The following SYT14 variants were observed in gnomAD, a reference collection of about 807,000 sequenced individuals.
The protein encoded by SYT14 is synaptotagmin-14.
SYT14 carries 32 observed loss-of-function variants against 74.2 expected under a neutral mutation model. The ratio of observed to expected loss-of-function variants is 0.43; its 90% CI spans 0.33 to 0.58. SYT14 has a LOEUF of 0.58. Ranked by LOEUF, SYT14 falls within the 20% of genes least tolerant of loss-of-function variation. The pLI is 0.05. For synonymous variants in SYT14, 298 were observed against 337.7 expected (o/e 0.88, Z 1.29); for missense variants, 791 against 981.8 (o/e 0.81, Z 2.60).
At chr1:210,067,993 T>A (rs1406747742) in intron 5 of SYT14, among the ~76,000 whole-genome samples, 1 of 151,888 alleles carries the variant, frequency 6.6e-6, no homozygotes, top group Non-Finnish European at 1.5e-5. Flanking sequence ...CATACAATGT[T>A]TAATACCAGT....
chr1:210,014,257 T>C (rs2080141305), intron 3 of SYT14, among the ~76,000 whole-genome samples: 1 of 152,038 alleles, frequency 6.6e-6, no homozygotes, highest in African/African-American at 2.4e-5. Flanking sequence ...GAGTTGGAGG[T>C]GGTTTTACTT....
At chr1:209,960,624 T>C (rs1361645537) in intron 2 of SYT14, among the ~76,000 whole-genome samples, 1 of 152,194 alleles carries the variant, frequency 6.6e-6, no homozygotes, top group African/African-American at 2.4e-5. Context: ...CTGTGGTTTT[T>C]TGAATGCTGC....
At chr1:210,161,882 A>G in exon 10 of SYT14, 2 of 450,594 alleles carry the variant, frequency 4.4e-6, no homozygotes, top group South Asian at 1.6e-5. Flanking sequence ...AATTTCTTTC[A>G]GTGATTGACT....
chr1:210,075,104 G>C (rs1396530322), intron 5 of SYT14, among the ~76,000 whole-genome samples: 1 of 152,134 alleles, frequency 6.6e-6, no homozygotes, highest in Non-Finnish European at 1.5e-5. Flanking sequence ...ACCGCTCAGC[G>C]GCCCGGGCTC....
At chr1:210,012,170 A>G (rs1231702364) in intron 2 of SYT14, among the ~76,000 whole-genome samples, 1 of 152,224 alleles carries the variant, frequency 6.6e-6, no homozygotes, top group South Asian at 2.1e-4. Flanking sequence ...CTCTTAAAAT[A>G]TAATCATAGA....
intron 7 of SYT14, among the ~76,000 whole-genome samples, chr1:210,151,976 GA>G: frequency 6.6e-6 from 1 of 152,234 alleles, no homozygotes; most frequent in Middle Eastern, 3.4e-3. Flanking sequence ...AGGTTAATGT[GA>G]AAAATACTAT....
chr1:209,989,722 G>A (rs893206757), intron 2 of SYT14, among the ~76,000 whole-genome samples: 1 of 152,020 alleles, frequency 6.6e-6, no homozygotes, highest in Non-Finnish European at 1.5e-5. Flanking sequence ...GGGAATTATA[G>A]TATAGTTATG....
chr1:210,100,973 A>G (rs575702220), intron 7 of SYT14, among the ~76,000 whole-genome samples: 2 of 152,278 alleles, frequency 1.3e-5, no homozygotes, highest in South Asian at 4.1e-4. Flanking sequence ...ATCTGGCCTC[A>G]TTAGACTTTC....
At chr1:210,089,756 T>C (rs1323988421) in intron 5 of SYT14, among the ~76,000 whole-genome samples, 2 of 152,204 alleles carry the variant, frequency 1.3e-5, no homozygotes, top group Non-Finnish European at 2.9e-5. Context: ...CTATGAGTCG[T>C]CCAGATTCTT....
intron 7 of SYT14, among the ~76,000 whole-genome samples, chr1:210,127,986 C>T (rs7516554): frequency 0.32 from 49,134 of 151,846 alleles, 8,968 homozygotes; most frequent in East Asian, 0.44. Flanking sequence ...CCCAATATCG[C>T]GCCATTGCAC....
chr1:210,016,346 GAAGA>G lies in SYT14; in HGVS notation c.348_351del (p.Arg117TyrfsTer26). On this transcript the variant is annotated frameshift_variant, in exon 4 of 10. Transcript: ENST00000637265. LOFTEE classifies it high-confidence loss of function. Reference sequence around the variant, plus strand: ...ACTAAAGCAAGATCAAGGAATACATGAAGAAAGAGTATTTAAACATGTTAATGAT... The same window carrying G: ...ACTAAAGCAAGATCAAGGAATACATGAAGAGTATTTAAACATGTTAATGAT... The G allele has an allele frequency of 8.1e-7, 1 of 1,232,086 alleles. No homozygotes were observed. The highest frequency in any genetic ancestry group is 1.0e-6 in the Non-Finnish European group (1 of 987,912). The allele number at this position is 1,232,086 out of a possible 1,614,324, so 76.3% of individuals were successfully genotyped here. A position where few individuals can be genotyped will look rare whatever the true frequency, so the allele number is the denominator to read the frequency against.
chr1:209,960,913 A>G (rs530457401), intron 2 of SYT14, among the ~76,000 whole-genome samples: 2 of 152,292 alleles, frequency 1.3e-5, no homozygotes, highest in East Asian at 1.9e-4. Context: ...TTTGGAGACA[A>G]CAGGTAGATT....
intron 7 of SYT14, among the ~76,000 whole-genome samples, chr1:210,126,440 A>C (rs1415019924): frequency 6.6e-6 from 1 of 152,074 alleles, no homozygotes; most frequent in Non-Finnish European, 1.5e-5. Flanking sequence ...CTGTCTCCAC[A>C]GTCTGTTCTT....
chr1:210,014,364 G>A (rs1279881602), intron 3 of SYT14, among the ~76,000 whole-genome samples: 1 of 150,866 alleles, frequency 6.6e-6, no homozygotes, highest in African/African-American at 2.4e-5. Context: ...TACTAGGAAA[G>A]ATGAGGGCTG....
rs999793698 is a variant in SYT14, at chr1:210,021,324, A to G, written c.1312+70A>G. 5 of 1,377,792 alleles carry G rather than the reference A, an allele frequency of 3.6e-6. No homozygotes were observed. The East Asian group carries it at 7.1e-5, about 20-fold the overall frequency. The allele number at this position is 1,377,792 out of a possible 1,614,324, so 85.3% of individuals were successfully genotyped here. A position where few individuals can be genotyped will look rare whatever the true frequency, so the allele number is the denominator to read the frequency against. On this transcript the variant is annotated intron_variant, in intron 5 of 9. Coordinates refer to ENST00000637265, the Ensembl canonical transcript of SYT14. The stretch of plus-strand genomic sequence containing the variant: ...TTTGATTACTTGTGCCTGAAATTCT[A>G]GGAATCTGTGGTTGCAGAATAAACA...
At chr1:210,066,901 T>A (rs1452238249) in intron 5 of SYT14, among the ~76,000 whole-genome samples, 1 of 152,084 alleles carries the variant, frequency 6.6e-6, no homozygotes, top group Non-Finnish European at 1.5e-5. Flanking sequence ...CCAAAACCAG[T>A]GTCATAAAAA....
At chr1:209,994,006 A>G (rs1264537935) in intron 2 of SYT14, among the ~76,000 whole-genome samples, 3 of 152,174 alleles carry the variant, frequency 2.0e-5, no homozygotes, top group African/African-American at 7.2e-5. Flanking sequence ...ATTGAAGCTA[A>G]CTGACTATAT....
At chr1:210,096,301 A>G (rs2081965445) in intron 6 of SYT14, among the ~76,000 whole-genome samples, 1 of 152,210 alleles carries the variant, frequency 6.6e-6, no homozygotes, top group Non-Finnish European at 1.5e-5. Context: ...GGTACCCTCC[A>G]AACATTACCA....
At chr1:210,000,716 T>C (rs553097411) in intron 2 of SYT14, among the ~76,000 whole-genome samples, 1 of 147,588 alleles carries the variant, frequency 6.8e-6, no homozygotes, top group African/African-American at 2.6e-5. Flanking sequence ...CCGAGTCAAG[T>C]GATTCTCCTG....
Sources: allele counts gnomAD v4.1 joint callset (sites outside exome capture counted in the v4.1 genomes callset), GRCh38; gene constraint gnomAD v4.1.1; transcripts MANE v1.5; gene names NCBI Gene and HGNC (gene_info 2026-07-23, HGNC 2026-07-21).